The following CLIC5 variants were observed in gnomAD, a reference collection of about 807,000 sequenced individuals.
CLIC5 encodes the protein chloride intracellular channel protein 5.
Under a neutral mutation model 24.7 loss-of-function variants are expected in CLIC5, and 20 were observed. The ratio of observed to expected loss-of-function variants is 0.81; its 90% CI spans 0.57 to 1.18. The LOEUF (loss-of-function observed/expected upper bound fraction) is 1.18, where lower values mean the gene tolerates loss of function less well. Ranked by LOEUF, CLIC5 falls within the 50% of genes most tolerant of loss-of-function variation. CLIC5 has a pLI of 0.00. For synonymous variants in CLIC5, 159 were observed against 135.6 expected, an observed-to-expected ratio of 1.17 and a Z score of -1.20; for missense variants, 341 against 326.1, an observed-to-expected ratio of 1.05 and a Z score of -0.35.
At chr6:45,980,809 A>G (rs1437962577) in intron 1 of CLIC5, among the ~76,000 whole-genome samples, 1 of 152,134 alleles carries the variant, frequency 6.6e-6, no homozygotes, top group Non-Finnish European at 1.5e-5. Flanking sequence ...ATGACAGGGA[A>G]TTTCATCTTC....
At chr6:45,940,034 A>G (rs1393492308) in intron 4 of CLIC5, among the ~76,000 whole-genome samples, 1 of 152,138 alleles carries the variant, frequency 6.6e-6, no homozygotes, top group Non-Finnish European at 1.5e-5. Context: ...GTCATTGCCC[A>G]CAAGATAAAA....
At chr6:45,952,447 C>G (rs1367053423) in intron 2 of CLIC5, among the ~76,000 whole-genome samples, 1 of 152,188 alleles carries the variant, frequency 6.6e-6, no homozygotes, top group South Asian at 2.1e-4. Flanking sequence ...GGTACAGGAC[C>G]AATTGCAAAT....
chr6:45,979,415 T>G (rs190967993), intron 1 of CLIC5, among the ~76,000 whole-genome samples: 43 of 152,340 alleles, frequency 2.8e-4, no homozygotes, highest in African/African-American at 1.0e-3. Context: ...ATAGATTCCC[T>G]GGTAACTCAA....
chr6:45,930,556 TC>T (rs1313821207), intron 4 of CLIC5, among the ~76,000 whole-genome samples: 3 of 152,188 alleles, frequency 2.0e-5, no homozygotes, highest in Non-Finnish European at 4.4e-5. Context: ...CCCTTTCGAA[TC>T]CACAGGCCTT....
intron 2 of CLIC5, among the ~76,000 whole-genome samples, chr6:45,950,558 G>A (rs1425302515): frequency 2.0e-5 from 3 of 152,180 alleles, no homozygotes; most frequent in Non-Finnish European, 4.4e-5. Context: ...GGGACAGAGT[G>A]AGACTCGGTC....
intron 1 of CLIC5, among the ~76,000 whole-genome samples, chr6:45,998,798 C>A (rs1274201621): frequency 6.6e-6 from 1 of 152,190 alleles, no homozygotes; most frequent in African/African-American, 2.4e-5. Flanking sequence ...CACATTCGTT[C>A]AATTCCTTCT....
the CLIC5 span, chr6:46,123,090 C>A: frequency 6.6e-6 from 1 of 152,166 alleles, no homozygotes; most frequent in Non-Finnish European, 1.5e-5. Context: ...ATGAGGCCAG[C>A]GTCATCCTGA....
chr6:46,006,435 C>T (rs1283756178), intron 1 of CLIC5, among the ~76,000 whole-genome samples: 4 of 151,576 alleles, frequency 2.6e-5, no homozygotes, highest in Non-Finnish European at 2.9e-5. Context: ...TGAGCCACTG[C>T]GCCTGGCCCC....
At chr6:46,028,177 G>A (rs921725418) in intron 1 of CLIC5, among the ~76,000 whole-genome samples, 9 of 152,184 alleles carry the variant, frequency 5.9e-5, no homozygotes, top group Non-Finnish European at 1.3e-4. Flanking sequence ...CTCCTTGTGG[G>A]AAGTCAACAA....
At chr6:46,063,588 A>G (rs1433317639) in intron 1 of CLIC5, among the ~76,000 whole-genome samples, 1 of 152,216 alleles carries the variant, frequency 6.6e-6, no homozygotes, top group Non-Finnish European at 1.5e-5. Flanking sequence ...TGTGCAGAGG[A>G]GTCCCCTTGA....
chr6:46,056,563 G>A (rs1052137489), intron 1 of CLIC5, among the ~76,000 whole-genome samples: 1 of 152,158 alleles, frequency 6.6e-6, no homozygotes, highest in Non-Finnish European at 1.5e-5. Context: ...CCGACTCCCT[G>A]TTCAGTGATG....
At chr6:45,959,942 G>T (rs781257000) in intron 1 of CLIC5, among the ~76,000 whole-genome samples, 5 of 151,616 alleles carry the variant, frequency 3.3e-5, no homozygotes, top group Non-Finnish European at 7.4e-5. Flanking sequence ...TTCTGCACAT[G>T]CATGACTGGC....
chr6:45,974,188 G>A (rs569521586), intron 1 of CLIC5, among the ~76,000 whole-genome samples: 64 of 151,672 alleles, frequency 4.2e-4, no homozygotes, highest in Non-Finnish European at 8.2e-4. Context: ...AAACCACCAG[G>A]CTGGGAATCA....
chr6:45,960,851 C>T (rs1036614870), intron 1 of CLIC5, among the ~76,000 whole-genome samples: 1 of 152,194 alleles, frequency 6.6e-6, no homozygotes, highest in African/African-American at 2.4e-5. Context: ...CAGCTCTGGC[C>T]TGATCAAACC....
At chr6:45,952,449 A>G (rs958856903) in intron 2 of CLIC5, among the ~76,000 whole-genome samples, 27 of 152,216 alleles carry the variant, frequency 1.8e-4, no homozygotes, top group Admixed American at 1.8e-3. Context: ...TACAGGACCA[A>G]TTGCAAATGT....
the CLIC5 span, among the ~76,000 whole-genome samples, chr6:46,100,764 G>A: frequency 3.9e-5 from 6 of 152,204 alleles, no homozygotes; most frequent in African/African-American, 1.2e-4. Context: ...CTGAAGTTTC[G>A]CTGAAAAATC....
the CLIC5 span, among the ~76,000 whole-genome samples, chr6:46,086,036 G>A: frequency 0.02 from 3,101 of 152,326 alleles, 122 homozygotes; most frequent in African/African-American, 0.071. Flanking sequence ...GTGGGCGTAG[G>A]ACCCTCCGAG....
At chr6:45,965,218 G>A (rs1179287404) in intron 1 of CLIC5, among the ~76,000 whole-genome samples, 1 of 152,198 alleles carries the variant, frequency 6.6e-6, no homozygotes, top group Non-Finnish European at 1.5e-5. Flanking sequence ...TACTATGAAG[G>A]GAGAGAGGGA....
At chr6:46,030,815 A>T (rs149051257) in intron 1 of CLIC5, among the ~76,000 whole-genome samples, 67 of 152,346 alleles carry the variant, frequency 4.4e-4, no homozygotes, top group Middle Eastern at 6.8e-3. Context: ...CACCCTGTGC[A>T]AACCTCTACT....
Sources: allele counts gnomAD v4.1 joint callset (sites outside exome capture counted in the v4.1 genomes callset), GRCh38; gene constraint gnomAD v4.1.1; transcripts MANE v1.5; gene names NCBI Gene and HGNC (gene_info 2026-07-23, HGNC 2026-07-21).